NINJ2: variants seen among roughly 807,000 people sequenced by gnomAD.
NINJ2 encodes the protein ninjurin 2.
A neutral mutation model predicts 11.7 loss-of-function variants in NINJ2; 12 were observed. The observed-to-expected ratio is 1.02, with a 90% CI of 0.66 to 1.66. The LOEUF (loss-of-function observed/expected upper bound fraction) is 1.66. Among genes scored for constraint, NINJ2 ranks in the 40% most tolerant of loss-of-function variants. NINJ2 has a pLI of 0.00. For missense variants in NINJ2, 187 were observed against 181.8 expected (o/e 1.03, Z -0.16); for synonymous variants, 93 against 76.8 (o/e 1.21, Z -1.10).
At chr12:644,846 G>A (rs1937651244) in intron 1 of NINJ2, 1 of 152,122 alleles carries the variant, frequency 6.6e-6, no homozygotes, top group South Asian at 2.1e-4. Flanking sequence ...ACGGGGTAGG[G>A]CCTACTAAGA....
chr12:634,171 G>C (rs1388231634), intron 1 of NINJ2, among the ~76,000 whole-genome samples: 1 of 149,766 alleles, frequency 6.7e-6, no homozygotes, highest in Non-Finnish European at 1.5e-5. Flanking sequence ...TCCCCCAATA[G>C]ACTATAAGCC....
chr12:639,271 A>G (rs560123100), intron 1 of NINJ2, among the ~76,000 whole-genome samples: 2 of 152,204 alleles, frequency 1.3e-5, no homozygotes, highest in Non-Finnish European at 2.9e-5. Flanking sequence ...AATACTAGTC[A>G]CACTTATATG....
chr12:620,375 C>G (rs891567540), intron 1 of NINJ2, among the ~76,000 whole-genome samples: 1 of 152,214 alleles, frequency 6.6e-6, no homozygotes, highest in Non-Finnish European at 1.5e-5. Context: ...GGGTCTCAGA[C>G]AGTATGGGGT....
intron 1 of NINJ2, among the ~76,000 whole-genome samples, chr12:594,184 TGAAAATAATAAAGAAAATC>T (rs547208211): frequency 1.4e-3 from 214 of 152,046 alleles, no homozygotes; most frequent in Non-Finnish European, 2.7e-3. Flanking sequence ...TGTAGAAAAT[TGAAAATAATAAAGAAAATC>T]GAAAATAATA....
rs1378554730 is a variant in NINJ2, at chr12:565,791, T to C, written c.262+159A>G. On this transcript the variant is annotated intron_variant, in intron 2 of 3. Coordinates refer to ENST00000305108, the MANE Select transcript of NINJ2 (RefSeq NM_016533.6). Reference sequence around the variant, plus strand: ...GGCGCCTGCCCTCGCGGGGTGGAAGTTGGTCTTTGGGCCTCTGTTAGCGGA... The same window carrying C: ...GGCGCCTGCCCTCGCGGGGTGGAAGCTGGTCTTTGGGCCTCTGTTAGCGGA... 4.2e-6 allele frequency: 3 copies of C among 722,136 alleles called. 1 individual carries two copies. The South Asian group carries it at 4.5e-5, about 11-fold the overall frequency. 44.7% of individuals were successfully genotyped at this position (722,136 alleles called of 1,614,324 possible).
At chr12:603,684 G>C (rs997621388) in intron 1 of NINJ2, among the ~76,000 whole-genome samples, 1 of 149,996 alleles carries the variant, frequency 6.7e-6, no homozygotes, top group Admixed American at 6.6e-5. Context: ...TTTTTGAGAC[G>C]GAGTCTCAGC....
intron 2 of NINJ2, chr12:565,624 C>G (rs1947285749): frequency 1.6e-6 from 1 of 613,456 alleles, no homozygotes; most frequent in South Asian, 2.0e-5. Context: ...GGAACTTAAG[C>G]TGGGTCCTGT....
intron 1 of NINJ2, among the ~76,000 whole-genome samples, chr12:659,804 TCA>T (rs1350263135): frequency 6.6e-6 from 1 of 152,232 alleles, no homozygotes; most frequent in Non-Finnish European, 1.5e-5. Flanking sequence ...TTTCAACGTC[TCA>T]GTGCAGTAGT....
chr12:581,747 C>T lies in NINJ2; in HGVS notation c.34-15569G>A, dbSNP rs370923872. Among the ~76,000 whole-genome samples, 226 of 152,222 alleles carry T rather than the reference C, an allele frequency of 1.5e-3. 2 individuals are homozygous for T. The highest frequency in any genetic ancestry group is 5.3e-3 in the African/African-American group (220 of 41,532). On this transcript the variant is annotated intron_variant, in intron 1 of 3. Transcript: ENST00000305108. This position sits in a 1 kb window ranked among gnomAD's most constrained non-coding sequence, Gnocchi z 4.9. The stretch of plus-strand genomic sequence containing the variant: ...CAGCTTCGGTGCTTCCCAGCTCACT[C>T]GTCTGTAGAAAGAGGAGACACCCCT...
intron 1 of NINJ2, among the ~76,000 whole-genome samples, chr12:617,256 A>T (rs560643314): frequency 3.5e-4 from 53 of 152,272 alleles, no homozygotes; most frequent in African/African-American, 1.2e-3. Flanking sequence ...CCCTAATCTA[A>T]GCGAAGTTGT....
chr12:631,489 G>A (rs1288407715), intron 1 of NINJ2, among the ~76,000 whole-genome samples: 3 of 152,108 alleles, frequency 2.0e-5, no homozygotes, highest in Admixed American at 1.3e-4. Context: ...TCAGCCTCCC[G>A]AGTAGCTGGG....
intron 1 of NINJ2, among the ~76,000 whole-genome samples, chr12:570,200 G>C (rs2535414): frequency 0.67 from 100,899 of 151,632 alleles, 34,174 homozygotes; most frequent in African/African-American, 0.74. Flanking sequence ...ACAACCTGCA[G>C]CCGAGGGGAC....
At chr12:645,647 C>T (rs768030741) in intron 1 of NINJ2, 18 of 152,340 alleles carry the variant, frequency 1.2e-4, no homozygotes, top group Non-Finnish European at 2.4e-4. Context: ...TGTCCATGCA[C>T]TCTCTCCAGC....
chr12:586,299 C>T (rs1947637968), intron 1 of NINJ2: 1 of 152,278 alleles, frequency 6.6e-6, no homozygotes, highest in Admixed American at 6.5e-5. Context: ...AGGAGGATCA[C>T]AGGCCTTGGG....
At chr12:610,026 T>C (rs535464198) in intron 1 of NINJ2, among the ~76,000 whole-genome samples, 4 of 41,208 alleles carry the variant, frequency 9.7e-5, no homozygotes, top group African/African-American at 8.2e-4. Flanking sequence ...AGCTAGAGCA[T>C]GATCCAAGTC....
intron 1 of NINJ2, among the ~76,000 whole-genome samples, chr12:661,063 GT>G (rs1335886283): frequency 1.4e-5 from 2 of 144,346 alleles, no homozygotes; most frequent in African/African-American, 2.6e-5. Flanking sequence ...GGGAAACATT[GT>G]TTTAACTAAA....
In NINJ2 at chr12:567,671, CCTAT is replaced by C. The variant is rs1472888131; in HGVS notation, c.34-1497_34-1494del. On this transcript the variant is annotated intron_variant, in intron 1 of 3. Transcript: ENST00000305108. ...ATTTACACATAGGCTAACTGATTTA[CCTAT>C]CTATCAGAACCTTTGGATTCTATGA... 9.8e-5 allele frequency among the ~76,000 whole-genome samples: 15 copies of C among 152,290 alleles called. No individual in the cohort carries two copies. In the South Asian group the frequency reaches 2.5e-3, roughly 25 times the overall value.
chr12:592,700 CA>C (rs1241046627), intron 1 of NINJ2, among the ~76,000 whole-genome samples: 8 of 151,904 alleles, frequency 5.3e-5, no homozygotes, highest in African/African-American at 1.7e-4. Flanking sequence ...AACTCCATCT[CA>C]AAATTTAAAA....
intron 1 of NINJ2, among the ~76,000 whole-genome samples, chr12:621,177 G>T (rs537456913): frequency 2.2e-4 from 34 of 152,176 alleles, no homozygotes; most frequent in Non-Finnish European, 4.9e-4. Context: ...ACCAGGCATG[G>T]TGATTCACAC....
Sources: allele counts gnomAD v4.1 joint callset (sites outside exome capture counted in the v4.1 genomes callset), GRCh38; gene constraint gnomAD v4.1.1; non-coding constraint Gnocchi (gnomAD v3.1); transcripts MANE v1.5; gene names NCBI Gene and HGNC (gene_info 2026-07-23, HGNC 2026-07-21).